Variants in ANKRD6 observed in about 807,000 individuals in gnomAD.
ANKRD6 encodes the protein ankyrin repeat domain 6, also known as ankyrin repeat domain-containing protein 6.
Under a neutral mutation model 82.3 loss-of-function variants are expected in ANKRD6, and 56 were observed. The ratio of observed to expected loss-of-function variants is 0.68; its 90% CI spans 0.55 to 0.85. The LOEUF (loss-of-function observed/expected upper bound fraction) is 0.85, where lower values mean the gene tolerates loss of function less well. ANKRD6 is among the 40% of genes least tolerant of loss of function. The pLI is 0.00. For synonymous variants in ANKRD6, 347 were observed against 352.1 expected, an observed-to-expected ratio of 0.99 and a Z score of 0.16; for missense variants, 852 against 907.6, an observed-to-expected ratio of 0.94 and a Z score of 0.79.
chr6:89,469,757 G>A (rs554804799), intron 1 of ANKRD6, among the ~76,000 whole-genome samples: 1 of 152,200 alleles, frequency 6.6e-6, no homozygotes, highest in South Asian at 2.1e-4. Flanking sequence ...TATTACTCTT[G>A]CCTGAGGGTA....
intron 1 of ANKRD6, among the ~76,000 whole-genome samples, chr6:89,453,491 T>C (rs961893281): frequency 4.6e-5 from 7 of 152,180 alleles, no homozygotes; most frequent in African/African-American, 1.7e-4. Flanking sequence ...ATCTTTTCTT[T>C]GCCTTGATGA....
In ANKRD6 at chr6:89,433,954, G is replaced by C. The variant is rs1343672539; in HGVS notation, c.-144+579G>C. 5.3e-5 allele frequency among the ~76,000 whole-genome samples: 8 copies of C among 152,218 alleles called. No individual in the cohort carries two copies. The highest frequency in any genetic ancestry group is 1.0e-4 in the Non-Finnish European group (7 of 68,028). ...TGGGTCCAGACATCAGCTCACCCAA[G>C]CTTATCTTGGGCTTTTAAGTGTGTT... On this transcript the variant is annotated intron_variant, in intron 1 of 15. Transcript: ENST00000339746. This position sits in a 1 kb window ranked among gnomAD's most constrained non-coding sequence, Gnocchi z 4.3.
chr6:89,480,454 C>T (rs1405690004), intron 1 of ANKRD6, among the ~76,000 whole-genome samples: 1 of 151,988 alleles, frequency 6.6e-6, no homozygotes, highest in Non-Finnish European at 1.5e-5. Context: ...CCCTTCATCT[C>T]AAAAGTGAGT....
rs778318877 is a variant in ANKRD6 at position 89,623,944 on chromosome 6, A to C, written c.1105A>C (p.Asn369His). The C allele has an allele frequency of 4.6e-5, 75 of 1,613,740 alleles. No individual in the cohort carries two copies. The highest frequency in any genetic ancestry group is 6.0e-5 in the Non-Finnish European group (71 of 1,179,866). The change falls in exon 12 of 16, where the codon AAT (asparagine) becomes CAT (histidine). Residue 369 changes from asparagine (N) to histidine (H), a missense_variant. By Grantham distance (68) the Asn-to-His change is moderately conservative. Coordinates refer to ENST00000339746, the MANE Select transcript of ANKRD6 (RefSeq NM_001242809.2). ...ACACCAGAAGAACCTGCATGCTCAT[A>C]ATCACCCTAAAAAGAGGAACAGGCA... ...PGHQKNLHAHNHPKKRNRHRC... is the reference protein window; with the variant it reads ...PGHQKNLHAHHHPKKRNRHRC...
At chr6:89,533,803 G>A (rs1783494344) in intron 1 of ANKRD6, among the ~76,000 whole-genome samples, 1 of 151,372 alleles carries the variant, frequency 6.6e-6, no homozygotes, top group Non-Finnish European at 1.5e-5. Flanking sequence ...GTACTCCCCT[G>A]AGAGCAACCC....
intron 1 of ANKRD6, among the ~76,000 whole-genome samples, chr6:89,507,710 G>T (rs1780040887): frequency 6.6e-6 from 1 of 152,204 alleles, no homozygotes; most frequent in Non-Finnish European, 1.5e-5. Flanking sequence ...TGGCAGATCA[G>T]TGTCTATTTC....
At chr6:89,544,581 G>A (rs1375972466) in intron 1 of ANKRD6, among the ~76,000 whole-genome samples, 2 of 152,116 alleles carry the variant, frequency 1.3e-5, no homozygotes, top group African/African-American at 4.8e-5. Flanking sequence ...GGGCGTAGTG[G>A]CAGGCGCCTG....
intron 1 of ANKRD6, among the ~76,000 whole-genome samples, chr6:89,464,390 T>G (rs12664878): frequency 0.15 from 23,130 of 152,180 alleles, 2,253 homozygotes; most frequent in East Asian, 0.4. Flanking sequence ...AGAAAACGTT[T>G]CTTTAGTCCC....
At chr6:89,618,075 A>G in intron 9 of ANKRD6, 44 bp downstream of exon 9, 1 of 1,605,930 alleles carries the variant, frequency 6.2e-7, no homozygotes, top group South Asian at 1.1e-5. Context: ...ATGCGGGACT[A>G]CAAAGTTGTT....
intron 1 of ANKRD6, among the ~76,000 whole-genome samples, chr6:89,504,773 G>A (rs1779655923): frequency 6.6e-6 from 1 of 152,142 alleles, no homozygotes; most frequent in Non-Finnish European, 1.5e-5. Context: ...AGTAGTGTGG[G>A]GAATAGAACT....
chr6:89,458,968 G>GTCA, intron 1 of ANKRD6, among the ~76,000 whole-genome samples: 1 of 152,370 alleles, frequency 6.6e-6, no homozygotes, highest in African/African-American at 2.4e-5. Context: ...TGCAAAAGGG[G>GTCA]TGACAGACAA....
At chr6:89,464,012 T>C (rs73752761) in intron 1 of ANKRD6, among the ~76,000 whole-genome samples, 2,714 of 152,312 alleles carry the variant, frequency 0.018, 90 homozygotes, top group African/African-American at 0.061. Flanking sequence ...ACTGGACATA[T>C]GAATCAATCT....
At chr6:89,622,503 C>T (rs1054107969) in intron 10 of ANKRD6, among the ~76,000 whole-genome samples, 7 of 152,210 alleles carry the variant, frequency 4.6e-5, no homozygotes, top group African/African-American at 1.7e-4. Context: ...AGGGGATTCT[C>T]ATGGGGACTA....
In ANKRD6 at chr6:89,631,161, G is replaced by T. The variant is rs1371768097; in HGVS notation, c.*157G>T. The T allele has an allele frequency of 1.5e-6, 2 of 1,310,748 alleles. No homozygotes were observed. The highest frequency in any genetic ancestry group is 3.0e-5 in the African/African-American group (2 of 67,352). The allele number at this position is 1,310,748 out of a possible 1,614,324, so 81.2% of individuals were successfully genotyped here. ...AATGTGCCAGATACATGTTTCCTATGCCCAGGAAGTTATGAAGACTTCAAC... is the reference window on the plus strand; with the variant it reads ...AATGTGCCAGATACATGTTTCCTATTCCCAGGAAGTTATGAAGACTTCAAC... On this transcript the variant is annotated 3_prime_UTR_variant, in exon 16 of 16. Coordinates refer to ENST00000339746, the MANE Select transcript of ANKRD6 (RefSeq NM_001242809.2).
chr6:89,488,641 G>A (rs1777642212), intron 1 of ANKRD6, among the ~76,000 whole-genome samples: 1 of 152,186 alleles, frequency 6.6e-6, no homozygotes, highest in East Asian at 1.9e-4. Flanking sequence ...TTGGTTTTTA[G>A]ACACTGTCCA....
rs912037929 is a variant in ANKRD6 at position 89,567,191 on chromosome 6, C to T, written c.120+95C>T. 2.7e-6 allele frequency: 4 copies of T among 1,463,674 alleles called. No homozygotes were observed. The South Asian group carries it at 5.4e-5, about 20-fold the overall frequency. The allele number at this position is 1,463,674 out of a possible 1,614,324, so 90.7% of individuals were successfully genotyped here. A position where few individuals can be genotyped will look rare whatever the true frequency, so the allele number is the denominator to read the frequency against. On this transcript the variant is annotated intron_variant, in intron 2 of 15. Coordinates refer to ENST00000339746, the MANE Select transcript of ANKRD6 (RefSeq NM_001242809.2). ...ACTGCTGTGTTTGGTTCACAGCTTT[C>T]AAAGAACTGGCTTTTCTTCCAATGA... is the stretch of plus-strand genomic sequence containing the variant.
At chr6:89,630,107 A>T (rs1563177688) in intron 15 of ANKRD6, among the ~76,000 whole-genome samples, 1 of 152,166 alleles carries the variant, frequency 6.6e-6, no homozygotes, top group Admixed American at 6.5e-5. Flanking sequence ...ATCCTTAGGC[A>T]TCAGGAAACA....
chr6:89,480,150 C>T (rs1776616232), intron 1 of ANKRD6, among the ~76,000 whole-genome samples: 1 of 152,200 alleles, frequency 6.6e-6, no homozygotes, highest in Non-Finnish European at 1.5e-5. Flanking sequence ...TTGCATCGGC[C>T]TCTGTTCATA....
At chr6:89,496,181 C>T (rs895455523) in intron 1 of ANKRD6, among the ~76,000 whole-genome samples, 4 of 151,564 alleles carry the variant, frequency 2.6e-5, no homozygotes, top group African/African-American at 9.7e-5. Context: ...ACACTGCCCC[C>T]CCCCCCACCA....
Sources: gnomAD v4.1 joint callset for allele counts (sites outside exome capture counted in the v4.1 genomes callset) on GRCh38, gnomAD v4.1.1 for gene constraint, Gnocchi (gnomAD v3.1) non-coding constraint, MANE v1.5 for transcripts, NCBI Gene and HGNC (gene_info 2026-07-23, HGNC 2026-07-21) for gene names.